Variants in ECE1 observed in about 807,000 individuals in gnomAD.
ECE1 encodes endothelin-converting enzyme 1.
ECE1 carries 35 observed loss-of-function variants against 98.6 expected under a neutral mutation model. The ratio of observed to expected loss-of-function variants is 0.35; its 90% CI spans 0.27 to 0.47. ECE1 has a LOEUF of 0.47. ECE1 is among the 20% of genes least tolerant of loss of function. The pLI is 1.00. For missense variants in ECE1, 814 were observed against 1,025.3 expected (o/e 0.79, Z 2.81); for synonymous variants, 394 against 407.1 (o/e 0.97, Z 0.39).
At chr1:21,221,998 T>C (rs1014535292) in intron 17 of ECE1, 156 bp from the exon 18 acceptor site, 1 of 727,974 alleles carries the variant, frequency 1.4e-6, no homozygotes, top group East Asian at 2.6e-5. Context: ...CTCTTCTTGA[T>C]GTGCACTCGT....
intron 1 of ECE1, among the ~76,000 whole-genome samples, chr1:21,335,328 T>A (rs1639286243): frequency 6.6e-6 from 1 of 152,162 alleles, no homozygotes; most frequent in African/African-American, 2.4e-5. Flanking sequence ...CTCGGAGCGA[T>A]CCTTCTGGTG....
intron 1 of ECE1, among the ~76,000 whole-genome samples, chr1:21,343,560 G>A (rs898986610): frequency 2.0e-5 from 3 of 152,354 alleles, no homozygotes; most frequent in African/African-American, 7.2e-5. Flanking sequence ...CAGTACTGAA[G>A]CAAAGCACTC....
At chr1:21,253,834 G>C (rs1323348515) in intron 8 of ECE1, among the ~76,000 whole-genome samples, 1 of 150,618 alleles carries the variant, frequency 6.6e-6, no homozygotes, top group African/African-American at 2.5e-5. Flanking sequence ...ACTTTGGGAC[G>C]CCGAGGCGGG....
intron 1 of ECE1, among the ~76,000 whole-genome samples, chr1:21,330,114 C>G (rs1039871756): frequency 6.6e-6 from 1 of 150,992 alleles, no homozygotes; most frequent in Non-Finnish European, 1.5e-5. Flanking sequence ...AAGGCTCCTG[C>G]CCACATACTC....
upstream of ECE1, chr1:21,293,740 G>C (rs1465969447): frequency 6.6e-6 from 1 of 152,150 alleles, no homozygotes; most frequent in African/African-American, 2.4e-5. Context: ...GAAGTCCACA[G>C]TGGGTGAGTG....
intron 7 of ECE1, 114 bp downstream of exon 7, chr1:21,257,411 T>C: frequency 8.4e-7 from 1 of 1,184,578 alleles, no homozygotes; most frequent in Non-Finnish European, 1.2e-6. Flanking sequence ...ACCCATCAGG[T>C]CACTGACACC....
chr1:21,261,764 G>A (rs184773486), intron 4 of ECE1, among the ~76,000 whole-genome samples: 17 of 152,306 alleles, frequency 1.1e-4, no homozygotes, highest in Admixed American at 9.8e-4. Flanking sequence ...CACTCCCTTC[G>A]GAGGGGTGGG....
chr1:21,259,835 G>T (rs532905855), intron 5 of ECE1, among the ~76,000 whole-genome samples: 1 of 152,092 alleles, frequency 6.6e-6, no homozygotes, highest in Non-Finnish European at 1.5e-5. Context: ...CCCTGCTCAC[G>T]GGGAGGGCTC....
intron 10 of ECE1, among the ~76,000 whole-genome samples, chr1:21,242,826 G>A (rs1316613474): frequency 6.6e-6 from 1 of 152,180 alleles, no homozygotes; most frequent in Non-Finnish European, 1.5e-5. Context: ...GCTCAGGCTG[G>A]AGTGCAGTGG....
chr1:21,236,968 G>A, intron 11 of ECE1, 124 bp from the exon 12 acceptor site: 1 of 932,132 alleles, frequency 1.1e-6, no homozygotes, highest in Non-Finnish European at 1.7e-6. Context: ...CAGGCTGGGT[G>A]AGAAGGGGAG....
rs557136816 is a variant in ECE1 at position 21,306,995 on chromosome 1, C to A, written c.4-16839G>T. 8.5e-5 allele frequency among the ~76,000 whole-genome samples: 13 copies of A among 152,304 alleles called. No individual in the cohort carries two copies. In the South Asian group the frequency reaches 1.0e-3, roughly 12 times the overall value. ...GCCCAGTGCTCCTTCCAAAGCCCTG[C>A]AACTGTGCCACAAATGCTAAGGGCC... On this transcript the variant is annotated intron_variant, in intron 1 of 18. Transcript: ENST00000415912.
At position 21,275,684 on chromosome 1, in the gene ECE1, T is replaced by C. The variant is rs529453512; in HGVS notation, c.281-2773A>G. On this transcript the variant is annotated intron_variant, in intron 3 of 18. Transcript: ENST00000374893. Reference sequence around the variant, plus strand: ...ATTGGGCTAGGGACCTACGAGGTGCTTAAGGAGCAATGGCTTGATTATTTA... The same window carrying C: ...ATTGGGCTAGGGACCTACGAGGTGCCTAAGGAGCAATGGCTTGATTATTTA... Among the ~76,000 whole-genome samples the C allele has an allele frequency of 2.6e-5, 4 of 152,358 alleles. No homozygotes were observed. The South Asian group carries it at 8.3e-4, about 32-fold the overall frequency.
At chr1:21,224,749 A>G (rs1456269899) in intron 17 of ECE1, among the ~76,000 whole-genome samples, 1 of 152,104 alleles carries the variant, frequency 6.6e-6, no homozygotes, top group African/African-American at 2.4e-5. Flanking sequence ...TGTCTAAATC[A>G]TCTTGTTTTA....
intron 16 of ECE1, among the ~76,000 whole-genome samples, chr1:21,226,279 A>T (rs1180705455): frequency 6.6e-6 from 1 of 152,174 alleles, no homozygotes; most frequent in Non-Finnish European, 1.5e-5. Flanking sequence ...TAGGAACCCC[A>T]AGAGCGGGAC....
chr1:21,324,688 G>A (rs146383503), intron 1 of ECE1, among the ~76,000 whole-genome samples: 143 of 152,302 alleles, frequency 9.4e-4, no homozygotes, highest in African/African-American at 3.1e-3. Flanking sequence ...AGGAGCCCGC[G>A]GGTCACTTAA....
chr1:21,290,035 C>A lies in ECE1; in HGVS notation c.138+35G>T. 1 of 1,310,432 alleles carries A rather than the reference C, an allele frequency of 7.6e-7. No homozygotes were observed. Among genetic ancestry groups the A allele is most frequent in the African/African-American group, 1.5e-5 (1 of 65,392 alleles). 81.2% of individuals were successfully genotyped at this position (1,310,432 alleles called of 1,614,324 possible). Reference sequence around the variant, plus strand: ...GCAGCGCGCATGCCCGGGCCCGGGGCGCCTGGACCTCGGGAGGGAGCGGAG... The same window carrying A: ...GCAGCGCGCATGCCCGGGCCCGGGGAGCCTGGACCTCGGGAGGGAGCGGAG... On this transcript the variant is annotated intron_variant, in intron 2 of 18. Transcript: ENST00000374893. This position sits in a 1 kb window ranked among gnomAD's most constrained non-coding sequence, Gnocchi z 7.3.
At chr1:21,240,102 C>T (rs1306877167) in intron 10 of ECE1, among the ~76,000 whole-genome samples, 2 of 152,078 alleles carry the variant, frequency 1.3e-5, no homozygotes, top group East Asian at 1.9e-4. Context: ...ACCTGGGAGG[C>T]GGAGGTTGCA....
intron 4 of ECE1, among the ~76,000 whole-genome samples, chr1:21,265,359 C>A (rs1488421023): frequency 6.6e-6 from 1 of 152,138 alleles, no homozygotes. Context: ...TGGTGAAACC[C>A]TGTCTCTACT....
Position 21,257,486 on chromosome 1 carries a change from G to A in ECE1, c.828+39C>T, listed in dbSNP as rs28367985. Reference sequence around the variant, plus strand: ...GTGTGGACACGGAGCAGGAAGGACCGTGCTGGGAGGCAGGCTGGGAGGGGA... The same window carrying A: ...GTGTGGACACGGAGCAGGAAGGACCATGCTGGGAGGCAGGCTGGGAGGGGA... On this transcript the variant is annotated intron_variant, in intron 7 of 18. Coordinates refer to ENST00000374893, the MANE Select transcript of ECE1 (RefSeq NM_001397.3). 2.9e-3 allele frequency: 4,735 copies of A among 1,608,322 alleles called. 18 individuals are homozygous for A. Among genetic ancestry groups the A allele is most frequent in the Non-Finnish European group, 2.5e-3 (2,981 of 1,175,278 alleles).
Sources: gnomAD v4.1 joint callset for allele counts (sites outside exome capture counted in the v4.1 genomes callset) on GRCh38, gnomAD v4.1.1 for gene constraint, Gnocchi (gnomAD v3.1) non-coding constraint, MANE v1.5 for transcripts, NCBI Gene and HGNC (gene_info 2026-07-23, HGNC 2026-07-21) for gene names.